PTPRJ: variants seen among roughly 807,000 people sequenced by gnomAD.
PTPRJ encodes the protein receptor-type tyrosine-protein phosphatase eta.
A neutral mutation model predicts 141.3 loss-of-function variants in PTPRJ; 129 were observed. The observed-to-expected ratio is 0.91, with a 90% CI of 0.79 to 1.06. The LOEUF (loss-of-function observed/expected upper bound fraction) is 1.06, where lower values mean the gene tolerates loss of function less well. Among genes scored for constraint, PTPRJ ranks in the 50% least tolerant of loss-of-function variants. PTPRJ has a pLI of 0.00. For synonymous variants in PTPRJ, 610 were observed against 640.5 expected, an observed-to-expected ratio of 0.95 and a Z score of 0.72; for missense variants, 1,601 against 1,679.7, an observed-to-expected ratio of 0.95 and a Z score of 0.82.
chr11:47,991,399 G>A (rs1188794418), intron 1 of PTPRJ, among the ~76,000 whole-genome samples: 2 of 152,114 alleles, frequency 1.3e-5, no homozygotes, highest in African/African-American at 2.4e-5. Flanking sequence ...TTTCTGTGGC[G>A]GTCAAGAGGA....
chr11:48,002,163 A>G (rs979146470), intron 1 of PTPRJ, among the ~76,000 whole-genome samples: 2 of 142,546 alleles, frequency 1.4e-5, no homozygotes. Flanking sequence ...TTTGAGACAG[A>G]GTCTCGCTCT....
chr11:48,044,646 C>T (rs1012919683), intron 1 of PTPRJ, among the ~76,000 whole-genome samples: 2 of 152,148 alleles, frequency 1.3e-5, no homozygotes, highest in South Asian at 2.1e-4. Flanking sequence ...TGTTTCAGAT[C>T]GTAAGGTAGT....
chr11:48,151,111 C>A (rs1219877190), intron 18 of PTPRJ, among the ~76,000 whole-genome samples: 1 of 152,136 alleles, frequency 6.6e-6, no homozygotes, highest in African/African-American at 2.4e-5. Flanking sequence ...TGTATTAGTT[C>A]TCTAGGCTGC....
rs748284806 is a variant in PTPRJ, at chr11:48,149,518, TA to T, written c.3041+33del. Reference sequence around the variant, plus strand: ...GTCTCTCAAATTATGAGCTTTATTTTAAATCCTCCAATCTGTTCGGTGACTA... The same window carrying T: ...GTCTCTCAAATTATGAGCTTTATTTTAATCCTCCAATCTGTTCGGTGACTA... On this transcript the variant is annotated intron_variant, in intron 16 of 24. Transcript: ENST00000418331. 1.2e-5 allele frequency: 17 copies of T among 1,375,176 alleles called. 1 individual carries two copies. The African/African-American group carries it at 2.1e-4, about 17-fold the overall frequency. The allele number at this position is 1,375,176 out of a possible 1,614,324, so 85.2% of individuals were successfully genotyped here.
chr11:48,033,434 C>T (rs187693480), intron 1 of PTPRJ, among the ~76,000 whole-genome samples: 25 of 152,108 alleles, frequency 1.6e-4, no homozygotes, highest in Admixed American at 8.5e-4. Flanking sequence ...AGCTGTGGGA[C>T]GGGGTAAGAT....
At chr11:48,128,845 C>T (rs1314506188) in intron 7 of PTPRJ, among the ~76,000 whole-genome samples, 1 of 152,208 alleles carries the variant, frequency 6.6e-6, no homozygotes, top group South Asian at 2.1e-4. Context: ...CAAGAATGTC[C>T]ATTCCTTCGC....
intron 1 of PTPRJ, among the ~76,000 whole-genome samples, chr11:47,990,048 A>G (rs772383981): frequency 6.6e-6 from 1 of 152,218 alleles, no homozygotes; most frequent in Non-Finnish European, 1.5e-5. Context: ...TTTATAAAAT[A>G]CCACGAGGTA....
chr11:48,039,136 C>T (rs1473247360), intron 1 of PTPRJ, among the ~76,000 whole-genome samples: 14 of 143,202 alleles, frequency 9.8e-5, no homozygotes, highest in Admixed American at 2.1e-4. Flanking sequence ...GGTGACAGAG[C>T]GAGAGTCTGT....
chr11:47,989,258 T>G lies in PTPRJ; in HGVS notation c.96+8250T>G, dbSNP rs192106553. Among the ~76,000 whole-genome samples the G allele has an allele frequency of 2.3e-4, 35 of 151,686 alleles. No homozygotes were observed. In the East Asian group the frequency reaches 6.4e-3, roughly 28 times the overall value. On this transcript the variant is annotated intron_variant, in intron 1 of 24. Transcript: ENST00000418331. Reference sequence around the variant, plus strand: ...TTGGTCATTTGCCTCTGCTTCTTCTTCTTTTTTTGTTTTCTTTTTTTTTTT... The same window carrying G: ...TTGGTCATTTGCCTCTGCTTCTTCTGCTTTTTTTGTTTTCTTTTTTTTTTT...
At chr11:47,995,759 G>A (rs1280570250) in intron 1 of PTPRJ, among the ~76,000 whole-genome samples, 2 of 152,230 alleles carry the variant, frequency 1.3e-5, no homozygotes, top group African/African-American at 4.8e-5. Flanking sequence ...GAACGTGGGG[G>A]TCAGGCGTGG....
chr11:48,001,349 A>AGTGTGTGTGTGTGTGTGTGTGTGT (rs57503257), intron 1 of PTPRJ, among the ~76,000 whole-genome samples: 1 of 134,678 alleles, frequency 7.4e-6, no homozygotes, highest in African/African-American at 2.8e-5. Flanking sequence ...ACAGCCCCAA[A>AGTGTGTGTGTGTGTGTGTGTGTGT]GTGTGTGTGT....
chr11:48,080,533 T>G (rs565841270), intron 1 of PTPRJ, among the ~76,000 whole-genome samples: 1 of 152,328 alleles, frequency 6.6e-6, no homozygotes, highest in East Asian at 1.9e-4. Context: ...TCCTAGCTCC[T>G]GTTTCCAGTG....
rs1015633190 is a variant in PTPRJ, at chr11:48,014,872, T to G, written c.96+33864T>G. Reference sequence around the variant, plus strand: ...CATGCGCCACCATGCCCGGCTAATTTTTTTGTAGTTTTTAGTACAAATGGG... The same window carrying G: ...CATGCGCCACCATGCCCGGCTAATTGTTTTGTAGTTTTTAGTACAAATGGG... On this transcript the variant is annotated intron_variant, in intron 1 of 24. Transcript: ENST00000418331. 9.2e-5 allele frequency among the ~76,000 whole-genome samples: 14 copies of G among 152,134 alleles called. 1 individual carries two copies. The highest frequency in any genetic ancestry group is 3.4e-4 in the African/African-American group (14 of 41,408).
Position 48,163,462 on chromosome 11 carries a change from A to T in PTPRJ, c.3563A>T (p.Gln1188Leu). 6.2e-7 allele frequency: 1 copy of T among 1,614,022 alleles called. No homozygotes were observed. Among genetic ancestry groups the T allele is most frequent in the Non-Finnish European group, 8.5e-7 (1 of 1,179,926 alleles). ...TIRDFTVKNI[Q>L]TSESHPLRQF... is the part of the protein sequence containing the mutation. ...AATCATTTTCTGGGCTTTTAGATCC[A>T]GACAAGTGAGAGTCACCCTCTGAGA... The change falls in exon 23 of 25, where the codon CAG becomes CTG. Residue 1188 changes from glutamine to leucine, a missense_variant. Coordinates refer to ENST00000418331, the MANE Select transcript of PTPRJ (RefSeq NM_002843.4).
intron 21 of PTPRJ, among the ~76,000 whole-genome samples, chr11:48,159,314 C>G (rs958428768): frequency 1.3e-5 from 2 of 152,086 alleles, no homozygotes; most frequent in African/African-American, 4.8e-5. Context: ...GTATTGCAAC[C>G]GATGTATATC....
intron 15 of PTPRJ, among the ~76,000 whole-genome samples, chr11:48,147,224 C>A (rs975387870): frequency 3.0e-4 from 46 of 152,178 alleles, no homozygotes; most frequent in African/African-American, 1.1e-3. Flanking sequence ...TTCTTGTTTA[C>A]AAGTCAGTTT....
Position 48,083,292 on chromosome 11 carries a change from G to A in PTPRJ, c.97-26766G>A, listed in dbSNP as rs1425722436. Reference sequence around the variant, plus strand: ...AATAAAAAATTAGCTGAGCGTGGTGGTGTGCGCCTGTAATCCCAGCCAGCT... The same window carrying A: ...AATAAAAAATTAGCTGAGCGTGGTGATGTGCGCCTGTAATCCCAGCCAGCT... On this transcript the variant is annotated intron_variant, in intron 1 of 24. Transcript: ENST00000418331. Among the ~76,000 whole-genome samples the A allele has an allele frequency of 2.0e-5, 3 of 152,188 alleles. No homozygotes were observed. The East Asian group carries it at 5.8e-4, about 29-fold the overall frequency.
At chr11:47,994,822 A>C (rs1854289666) in intron 1 of PTPRJ, among the ~76,000 whole-genome samples, 1 of 152,224 alleles carries the variant, frequency 6.6e-6, no homozygotes, top group Admixed American at 6.5e-5. Context: ...TGAAAACCAC[A>C]AACATGGACA....
intron 1 of PTPRJ, among the ~76,000 whole-genome samples, chr11:48,087,825 C>CA (rs1212244722): frequency 6.6e-6 from 1 of 152,196 alleles, no homozygotes; most frequent in Non-Finnish European, 1.5e-5. Flanking sequence ...GAAAAACTGA[C>CA]AAATTTCCCC....
Sources: gnomAD v4.1 joint callset for allele counts (sites outside exome capture counted in the v4.1 genomes callset) on GRCh38, gnomAD v4.1.1 for gene constraint, MANE v1.5 for transcripts, NCBI Gene and HGNC (gene_info 2026-07-23, HGNC 2026-07-21) for gene names.